Variants in CSMD2 observed in about 807,000 individuals in gnomAD.
CSMD2 encodes CUB and sushi domain-containing protein 2.
Under a neutral mutation model 398.5 loss-of-function variants are expected in CSMD2, and 130 were observed. The observed-to-expected ratio is 0.33, with a 90% CI of 0.28 to 0.38. CSMD2 has a LOEUF of 0.38. CSMD2 is among the 10% of genes least tolerant of loss of function. The pLI, the probability that CSMD2 is intolerant of heterozygous loss-of-function variation, is 1.00. For missense variants in CSMD2, 3,829 were observed against 4,764.9 expected, an observed-to-expected ratio of 0.80 and a Z score of 5.78; for synonymous variants, 1,828 against 1,908.5, an observed-to-expected ratio of 0.96 and a Z score of 1.10.
At chr1:33,712,327 C>T (rs183799250) in intron 21 of CSMD2, among the ~76,000 whole-genome samples, 2 of 152,144 alleles carry the variant, frequency 1.3e-5, no homozygotes, top group Admixed American at 6.5e-5. Flanking sequence ...CCTCCCTCCC[C>T]GCCACCCACG....
At position 33,788,724 on chromosome 1, in the gene CSMD2, G is replaced by C. The variant is rs1439376149; in HGVS notation, c.1551-12C>G. 6.7e-7 allele frequency: 1 copy of C among 1,489,748 alleles called. No homozygotes were observed. The allele number at this position is 1,489,748 out of a possible 1,614,324, so 92.3% of individuals were successfully genotyped here. A position where few individuals can be genotyped will look rare whatever the true frequency, so the allele number is the denominator to read the frequency against. On this transcript the variant is annotated splice_polypyrimidine_tract_variant and intron_variant, in intron 11 of 70. Transcript: ENST00000373381. ...ATGTACCTGTCAGGCTGGCAGGAGA[G>C]AGATATTTAGAGGTGTGCTCTCCAC...
chr1:33,965,164 ATTC>A (rs1460033567), intron 3 of CSMD2, among the ~76,000 whole-genome samples: 1 of 152,142 alleles, frequency 6.6e-6, no homozygotes, highest in Admixed American at 6.5e-5. Context: ...TGGGGTTAGA[ATTC>A]TTCTCTCCAC....
chr1:34,083,875 C>A (rs1173283936), intron 2 of CSMD2, among the ~76,000 whole-genome samples: 1 of 152,068 alleles, frequency 6.6e-6, no homozygotes, highest in Non-Finnish European at 1.5e-5. Flanking sequence ...GCTGAGATTG[C>A]ACCACTGCTC....
chr1:33,655,627 G>T (rs1025785369), intron 27 of CSMD2, among the ~76,000 whole-genome samples: 1 of 152,176 alleles, frequency 6.6e-6, no homozygotes, highest in African/African-American at 2.4e-5. Flanking sequence ...GTTTAGCCCG[G>T]TGCCTATCAC....
chr1:33,886,229 A>G (rs954895400), intron 5 of CSMD2, among the ~76,000 whole-genome samples: 2 of 152,148 alleles, frequency 1.3e-5, no homozygotes, highest in Non-Finnish European at 1.5e-5. Context: ...TTCAGCAAGG[A>G]AACAGCACAG....
At chr1:33,791,007 C>T (rs1010948894) in intron 11 of CSMD2, among the ~76,000 whole-genome samples, 4 of 152,176 alleles carry the variant, frequency 2.6e-5, no homozygotes, top group African/African-American at 9.7e-5. Context: ...CAGTGGGTAC[C>T]ATTGGATAAG....
At chr1:33,529,321 AT>A (rs1655047800) in intron 64 of CSMD2, among the ~76,000 whole-genome samples, 1 of 152,024 alleles carries the variant, frequency 6.6e-6, no homozygotes. Context: ...CTTTACTTTT[AT>A]TTTTTTGTAG....
rs115698384 is a variant in CSMD2, at chr1:33,670,371, C to A, written c.4053-7279G>T. 3.7e-3 allele frequency among the ~76,000 whole-genome samples: 571 copies of A among 152,330 alleles called. 1 individual carries two copies. The highest frequency in any genetic ancestry group is 0.013 in the African/African-American group (545 of 41,560). Reference sequence around the variant, plus strand: ...ATTGATGAATGAACGAATGGCTCACCAGCTTTCAGGGACCCCTGTGGTTCA... The same window carrying A: ...ATTGATGAATGAACGAATGGCTCACAAGCTTTCAGGGACCCCTGTGGTTCA... On this transcript the variant is annotated intron_variant, in intron 25 of 70. Transcript: ENST00000373381.
chr1:33,731,172 G>C (rs1169960323), intron 15 of CSMD2, among the ~76,000 whole-genome samples: 1 of 152,134 alleles, frequency 6.6e-6, no homozygotes, highest in Non-Finnish European at 1.5e-5. Flanking sequence ...GAAGGTGTTA[G>C]GGAATCAACT....
At position 33,571,736 on chromosome 1, in the gene CSMD2, T is replaced by C; in HGVS notation, c.7763-10A>G. On this transcript the variant is annotated splice_polypyrimidine_tract_variant and intron_variant, in intron 50 of 70. Transcript: ENST00000373381. ...TCAGGACAAGTCACAGCTGGGGAAA[T>C]GAGGAAAAGAAAGGAGGATTAATTA... 4 of 1,453,950 alleles carry C rather than the reference T, an allele frequency of 2.8e-6. No homozygotes were observed. The highest frequency in any genetic ancestry group is 3.7e-6 in the Non-Finnish European group (4 of 1,087,230). The allele number at this position is 1,453,950 out of a possible 1,614,324, so 90.1% of individuals were successfully genotyped here. A position where few individuals can be genotyped will look rare whatever the true frequency, so the allele number is the denominator to read the frequency against.
At chr1:33,688,037 A>G (rs1416040973) in intron 25 of CSMD2, among the ~76,000 whole-genome samples, 2 of 152,224 alleles carry the variant, frequency 1.3e-5, no homozygotes, top group Non-Finnish European at 2.9e-5. Flanking sequence ...AATTGCTATA[A>G]TATCTAGAAG....
In CSMD2 at chr1:33,537,109, A is replaced by C; in HGVS notation, c.9806-14T>G. 6.2e-7 allele frequency: 1 copy of C among 1,614,072 alleles called. No individual in the cohort carries two copies. Among genetic ancestry groups the C allele is most frequent in the Non-Finnish European group, 8.5e-7 (1 of 1,179,926 alleles). ...TCAGGGTCGGATCTGGATGGCCAAA[A>C]CAAAGACACAGATCACATGGTCATG... On this transcript the variant is annotated splice_polypyrimidine_tract_variant and intron_variant, in intron 61 of 70. Coordinates refer to ENST00000373381, the MANE Select transcript of CSMD2 (RefSeq NM_001281956.2). The surrounding 1 kb of genome is among the most constrained non-coding windows in gnomAD (Gnocchi z 4.6).
chr1:33,874,387 C>T (rs950348828), intron 5 of CSMD2, among the ~76,000 whole-genome samples: 1 of 152,210 alleles, frequency 6.6e-6, no homozygotes, highest in Non-Finnish European at 1.5e-5. Flanking sequence ...ACTTGAACAG[C>T]AGGTTAGGTG....
intron 3 of CSMD2, among the ~76,000 whole-genome samples, chr1:33,993,400 G>A (rs988289020): frequency 6.6e-6 from 1 of 152,072 alleles, no homozygotes; most frequent in African/African-American, 2.4e-5. Context: ...TTCCACTAAT[G>A]CCACTGATTT....
At chr1:33,878,203 C>G (rs1169948811) in intron 5 of CSMD2, 1 of 152,260 alleles carries the variant, frequency 6.6e-6, no homozygotes, top group Non-Finnish European at 1.5e-5. Flanking sequence ...TTACTGCAAA[C>G]AAGCTGAAAA....
Position 34,009,704 on chromosome 1 carries a change from G to A in CSMD2, c.517+22890C>T, listed in dbSNP as rs149525719. On this transcript the variant is annotated intron_variant, in intron 3 of 70. Coordinates refer to ENST00000373381, the MANE Select transcript of CSMD2 (RefSeq NM_001281956.2). ...AGCGCTTAACTCCTAAATCCATCAG[G>A]AGTTTCTTTCCAAAAACTGCTGACT... Among the ~76,000 whole-genome samples, 403 of 152,080 alleles carry A rather than the reference G, an allele frequency of 2.6e-3. 1 individual carries two copies. Among genetic ancestry groups the A allele is most frequent in the African/African-American group, 9.3e-3 (387 of 41,502 alleles).
At chr1:33,899,112 C>T (rs1045822364) in intron 5 of CSMD2, among the ~76,000 whole-genome samples, 5 of 152,220 alleles carry the variant, frequency 3.3e-5, no homozygotes, top group East Asian at 1.9e-4. Context: ...CTAAATGACA[C>T]GGGCCATTTA....
intron 24 of CSMD2, among the ~76,000 whole-genome samples, chr1:33,697,705 C>G (rs538276312): frequency 6.6e-6 from 1 of 152,362 alleles, no homozygotes; most frequent in East Asian, 1.9e-4. Context: ...ATTCTCATAT[C>G]CTCCCAACAT....
chr1:33,814,994 G>C (rs1657292169), intron 9 of CSMD2, among the ~76,000 whole-genome samples: 1 of 151,892 alleles, frequency 6.6e-6, no homozygotes, highest in African/African-American at 2.4e-5. Context: ...TATCTGCTTG[G>C]TGAAATGCCT....
Sources: gnomAD v4.1 joint callset for allele counts (sites outside exome capture counted in the v4.1 genomes callset) on GRCh38, gnomAD v4.1.1 for gene constraint, Gnocchi (gnomAD v3.1) non-coding constraint, MANE v1.5 for transcripts, NCBI Gene and HGNC (gene_info 2026-07-23, HGNC 2026-07-21) for gene names.